The following BCAS3 variants were observed in gnomAD, a reference collection of about 807,000 sequenced individuals.
BCAS3 encodes the protein BCAS3 microtubule associated cell migration factor.
A neutral mutation model predicts 116.1 loss-of-function variants in BCAS3; 53 were observed. The ratio of observed to expected loss-of-function variants is 0.46; its 90% CI spans 0.37 to 0.57. BCAS3 has a LOEUF of 0.57. Ranked by LOEUF, BCAS3 falls within the 20% of genes least tolerant of loss-of-function variation. The pLI, the probability that BCAS3 is intolerant of heterozygous loss-of-function variation, is 0.00. For missense variants in BCAS3, 917 were observed against 1,165.4 expected (o/e 0.79, Z 3.10); for synonymous variants, 391 against 408.2 (o/e 0.96, Z 0.51).
Position 61,355,736 on chromosome 17 carries a change from T to C in BCAS3, c.2426-12591T>C, listed in dbSNP as rs965427253. Among the ~76,000 whole-genome samples the C allele has an allele frequency of 5.9e-5, 9 of 152,188 alleles. No individual in the cohort carries two copies. Among genetic ancestry groups the C allele is most frequent in the African/African-American group, 2.2e-4 (9 of 41,446 alleles). The stretch of plus-strand genomic sequence containing the variant: ...AAAGTGGACACCCGACAAATGTTAG[T>C]TATCTTACCTTTCCTGATACCTGAC... On this transcript the variant is annotated intron_variant, in intron 22 of 23. Coordinates refer to ENST00000407086, the MANE Select transcript of BCAS3 (RefSeq NM_017679.5). The surrounding 1 kb of genome is among the most constrained non-coding windows in gnomAD (Gnocchi z 4.2).
Position 61,235,841 on chromosome 17 carries a change from CTCT to C in BCAS3, c.2426-132484_2426-132482del, listed in dbSNP as rs1346849464. 6.6e-6 allele frequency among the ~76,000 whole-genome samples: 1 copy of C among 152,064 alleles called. No homozygotes were observed. Among genetic ancestry groups the C allele is most frequent in the East Asian group, 1.9e-4 (1 of 5,182 alleles). ...CAGTAATACTAGGAAAATAATCCTC[CTCT>C]TGTCTAGGAGTTTCTGCTACTGGGA... On this transcript the variant is annotated intron_variant, in intron 22 of 23. Transcript: ENST00000407086. This position sits in a 1 kb window ranked among gnomAD's most constrained non-coding sequence, Gnocchi z 5.0.
chr17:61,358,834 A>G (rs1017617251), intron 22 of BCAS3, among the ~76,000 whole-genome samples: 36 of 152,104 alleles, frequency 2.4e-4, no homozygotes, highest in African/African-American at 8.5e-4. Context: ...CCCGTCAGAT[A>G]GCTTATACTA....
chr17:60,684,096 G>A, intron 3 of BCAS3, 60 bp downstream of exon 3: 1 of 1,537,314 alleles, frequency 6.5e-7, no homozygotes, highest in Non-Finnish European at 8.9e-7. Context: ...GAAATGTTTG[G>A]TTTCCTAAAC....
chr17:61,063,295 A>T lies in BCAS3; in HGVS notation c.2030-11625A>T, dbSNP rs2070259700. On this transcript the variant is annotated intron_variant, in intron 19 of 23. Coordinates refer to ENST00000407086, the MANE Select transcript of BCAS3 (RefSeq NM_017679.5). The surrounding 1 kb of genome is among the most constrained non-coding windows in gnomAD (Gnocchi z 5.3). ...GTTTTGGTTTTTTTTTTTGAGGCAG[A>T]GTCTTGCTCTGTCACCCAGGCTGGA... is the stretch of plus-strand genomic sequence containing the variant. Among the ~76,000 whole-genome samples the T allele has an allele frequency of 6.6e-6, 1 of 150,704 alleles. No individual in the cohort carries two copies. The highest frequency in any genetic ancestry group is 1.5e-5 in the Non-Finnish European group (1 of 67,702).
rs988726290 is a variant in BCAS3, at chr17:61,200,157, A to G, written c.2425+115593A>G. On this transcript the variant is annotated intron_variant, in intron 22 of 23. Transcript: ENST00000407086. This position sits in a 1 kb window ranked among gnomAD's most constrained non-coding sequence, Gnocchi z 5.1. ...TTCATTTCTTATCCTCTTTATAAAA[A>G]ACAAAACAAAACCAACTTAGAACTT... is the stretch of plus-strand genomic sequence containing the variant. 6.6e-6 allele frequency among the ~76,000 whole-genome samples: 1 copy of G among 152,236 alleles called. No homozygotes were observed. The highest frequency in any genetic ancestry group is 2.4e-5 in the African/African-American group (1 of 41,464).
chr17:61,037,492 C>T lies in BCAS3; in HGVS notation c.1763-397C>T, dbSNP rs143325647. Among the ~76,000 whole-genome samples the T allele has an allele frequency of 8.5e-5, 13 of 152,306 alleles. No individual in the cohort carries two copies. The East Asian group carries it at 2.5e-3, about 29-fold the overall frequency. On this transcript the variant is annotated intron_variant, in intron 17 of 23. Transcript: ENST00000407086. The surrounding 1 kb of genome is among the most constrained non-coding windows in gnomAD (Gnocchi z 4.7). The stretch of plus-strand genomic sequence containing the variant: ...CACCATATGAAAAAATTCCTGTCGT[C>T]TGAGCATGGTGGCTCACGCCTTTAA...
intron 22 of BCAS3, among the ~76,000 whole-genome samples, chr17:61,202,987 G>T (rs1307853060): frequency 6.6e-6 from 1 of 152,150 alleles, no homozygotes; most frequent in Non-Finnish European, 1.5e-5. Flanking sequence ...GTCTTCCTCT[G>T]CTGTGAATTA....
intron 6 of BCAS3, among the ~76,000 whole-genome samples, chr17:60,749,942 T>A (rs936945266): frequency 6.6e-6 from 1 of 152,084 alleles, no homozygotes; most frequent in Non-Finnish European, 1.5e-5. Context: ...CTGAGGCAGG[T>A]GGATCATGAG....
chr17:61,148,705 C>T (rs1013703259), intron 22 of BCAS3, among the ~76,000 whole-genome samples: 3 of 152,178 alleles, frequency 2.0e-5, no homozygotes, highest in African/African-American at 7.2e-5. Flanking sequence ...TGTATTTGCG[C>T]ACTCTCAACA....
chr17:60,748,208 CT>C (rs2042165977), intron 6 of BCAS3, among the ~76,000 whole-genome samples: 1 of 152,148 alleles, frequency 6.6e-6, no homozygotes, highest in Non-Finnish European at 1.5e-5. Context: ...TTTTTGAAAA[CT>C]TATGACATTG....
intron 22 of BCAS3, among the ~76,000 whole-genome samples, chr17:61,114,107 C>T (rs2075272291): frequency 2.0e-5 from 3 of 147,862 alleles, no homozygotes; most frequent in South Asian, 4.4e-4. Flanking sequence ...TAAGAGCTAT[C>T]TATGACAAAC....
Position 61,008,844 on chromosome 17 carries a change from G to A in BCAS3, c.1487-6907G>A, listed in dbSNP as rs1442297031. 6.6e-6 allele frequency among the ~76,000 whole-genome samples: 1 copy of A among 152,016 alleles called. No homozygotes were observed. Among genetic ancestry groups the A allele is most frequent in the African/African-American group, 2.4e-5 (1 of 41,418 alleles). Reference sequence around the variant, plus strand: ...GAGGGCAAAAATAAAGGAGATATTTGGGACTGGGGCTGTTTCCGTAGAATT... The same window carrying A: ...GAGGGCAAAAATAAAGGAGATATTTAGGACTGGGGCTGTTTCCGTAGAATT... On this transcript the variant is annotated intron_variant, in intron 15 of 23. Transcript: ENST00000407086. The surrounding 1 kb of genome is among the most constrained non-coding windows in gnomAD (Gnocchi z 4.6).
intron 22 of BCAS3, among the ~76,000 whole-genome samples, chr17:61,277,039 G>A (rs1417683974): frequency 6.6e-6 from 1 of 152,044 alleles, no homozygotes; most frequent in Admixed American, 6.6e-5. Flanking sequence ...AAGGCAGGAG[G>A]ATCACTTGAG....
Position 61,307,779 on chromosome 17 carries a change from AATTCAT to A in BCAS3, c.2426-60546_2426-60541del, listed in dbSNP as rs1443397028. Among the ~76,000 whole-genome samples, 1 of 152,206 alleles carries A rather than the reference AATTCAT, an allele frequency of 6.6e-6. No homozygotes were observed. Among genetic ancestry groups the A allele is most frequent in the African/African-American group, 2.4e-5 (1 of 41,450 alleles). On this transcript the variant is annotated intron_variant, in intron 22 of 23. Coordinates refer to ENST00000407086, the MANE Select transcript of BCAS3 (RefSeq NM_017679.5). The surrounding 1 kb of genome is among the most constrained non-coding windows in gnomAD (Gnocchi z 4.7). ...AGAAATAATCAAGTTAAGTGTATTT[AATTCAT>A]ACTTTTAATTCATTTTTTTGTAATA...
In BCAS3 at chr17:61,104,504, A is replaced by G. The variant is rs536474280; in HGVS notation, c.2425+19940A>G. On this transcript the variant is annotated intron_variant, in intron 22 of 23. Transcript: ENST00000407086. The surrounding 1 kb of genome is among the most constrained non-coding windows in gnomAD (Gnocchi z 4.1). ...ACATCAGTAATTACTATTTGAGGCA[A>G]CCTTTGGGGATTGAGATATATGCCT... Among the ~76,000 whole-genome samples the G allele has an allele frequency of 8.5e-5, 13 of 152,270 alleles. No individual in the cohort carries two copies. The highest frequency in any genetic ancestry group is 2.9e-4 in the African/African-American group (12 of 41,570).
chr17:61,033,749 A>G (rs2066814321), intron 16 of BCAS3, among the ~76,000 whole-genome samples: 1 of 152,210 alleles, frequency 6.6e-6, no homozygotes, highest in Non-Finnish European at 1.5e-5. Flanking sequence ...TAATTTATCA[A>G]AGGTGATTGG....
At chr17:61,045,066 T>C (rs959777219) in intron 19 of BCAS3, among the ~76,000 whole-genome samples, 6 of 152,122 alleles carry the variant, frequency 3.9e-5, no homozygotes, top group Admixed American at 3.9e-4. Flanking sequence ...CAGCATAAAG[T>C]CCTTTTTAAA....
At chr17:61,075,135 A>G (rs1177929421) in intron 20 of BCAS3, 115 bp downstream of exon 20, 8 of 767,058 alleles carry the variant, frequency 1.0e-5, no homozygotes, top group Non-Finnish European at 1.7e-5. Flanking sequence ...TGGATTATCA[A>G]GAATTAGTTG....
chr17:61,315,806 C>T lies in BCAS3; in HGVS notation c.2426-52521C>T, dbSNP rs906741723. Among the ~76,000 whole-genome samples, 7 of 152,118 alleles carry T rather than the reference C, an allele frequency of 4.6e-5. No homozygotes were observed. The highest frequency in any genetic ancestry group is 2.1e-4 in the South Asian group (1 of 4,828). ...TCCCATCTGCCTCCACATGCCGCTG[C>T]GTCCCCTCCACGGCTCCCCTGCAGT... On this transcript the variant is annotated intron_variant, in intron 22 of 23. Transcript: ENST00000407086. The surrounding 1 kb of genome is among the most constrained non-coding windows in gnomAD (Gnocchi z 5.3).
Sources: gnomAD v4.1 joint callset for allele counts (sites outside exome capture counted in the v4.1 genomes callset) on GRCh38, gnomAD v4.1.1 for gene constraint, Gnocchi (gnomAD v3.1) non-coding constraint, MANE v1.5 for transcripts, NCBI Gene and HGNC (gene_info 2026-07-23, HGNC 2026-07-21) for gene names.